TET3: variants seen among roughly 807,000 people sequenced by gnomAD.
TET3 encodes the protein methylcytosine dioxygenase TET3.
In TET3, 19 loss-of-function variants were observed where a neutral mutation model predicts 141.4. The observed-to-expected ratio is 0.13, with a 90% confidence interval of 0.09 to 0.20. The LOEUF is 0.20. Among genes scored for constraint, TET3 ranks in the 10% least tolerant of loss-of-function variants. TET3 has a pLI of 1.00. For synonymous variants in TET3, 1,043 were observed against 980.9 expected, an observed-to-expected ratio of 1.06 and a Z score of -1.18; for missense variants, 1,874 against 2,356.9, an observed-to-expected ratio of 0.80 and a Z score of 4.24.
intron 4 of TET3, among the ~76,000 whole-genome samples, chr2:74,062,176 C>G (rs1056936929): frequency 6.6e-6 from 1 of 152,190 alleles, no homozygotes; most frequent in Non-Finnish European, 1.5e-5. Context: ...CCCGGCACCT[C>G]GGGAGGCCGA....
chr2:74,047,312 G>T lies in TET3; in HGVS notation c.1395G>T (p.Gln465His), dbSNP rs747719049. ...CCGATCCCATGGCTGAACTGGAGCA[G>T]TTGTTGGGCAGCGCCAGTGATTACA... Reference protein sequence around the residue: ...PSPDPMAELEQLLGSASDYIQ... With the variant: ...PSPDPMAELEHLLGSASDYIQ... The change falls in exon 4 of 12, where the codon CAG (glutamine) becomes CAT (histidine). Residue 465 changes from glutamine (Q) to histidine (H), a missense_variant. Physicochemically the swap from Gln to His is conservative, Grantham distance 24. Transcript: ENST00000409262. 1 of 1,613,886 alleles carries T rather than the reference G, an allele frequency of 6.2e-7. No individual in the cohort carries two copies. Among genetic ancestry groups the T allele is most frequent in the African/African-American group, 1.3e-5 (1 of 74,934 alleles).
intron 4 of TET3, among the ~76,000 whole-genome samples, chr2:74,053,810 T>C (rs926373961): frequency 5.3e-5 from 8 of 152,210 alleles, no homozygotes; most frequent in Admixed American, 5.2e-4. Flanking sequence ...CTACAGTTTT[T>C]ATTTCTATGA....
chr2:74,102,001 A>G lies in TET3; in HGVS notation c.5213A>G (p.Lys1738Arg). 2 of 1,598,544 alleles carry G rather than the reference A, an allele frequency of 1.3e-6. No individual in the cohort carries two copies. The highest frequency in any genetic ancestry group is 1.1e-5 in the South Asian group (1 of 90,186). The change falls in exon 12 of 12, where the codon AAG becomes AGG. Residue 1738 changes from lysine to arginine, a missense_variant. Transcript: ENST00000409262. ...ARLGLGQQEAKLYGKKRKWGG... is the reference protein window; with the variant it reads ...ARLGLGQQEARLYGKKRKWGG... The stretch of plus-strand genomic sequence containing the variant: ...CTGGGCCTGGGCCAGCAGGAGGCCA[A>G]GCTCTACGGGAAGAAGCGCAAGTGG...
intron 7 of TET3, 38 bp from the exon 8 acceptor site, chr2:74,089,859 A>C (rs536490453): frequency 6.2e-7 from 1 of 1,610,734 alleles, no homozygotes; most frequent in East Asian, 2.2e-5. Context: ...ACGAAGGGAT[A>C]TTGCATCTAT....
At chr2:74,099,743 C>A in intron 11 of TET3, 131 bp downstream of exon 11, 2 of 978,528 alleles carry the variant, frequency 2.0e-6, no homozygotes, top group Non-Finnish European at 3.0e-6. Context: ...AGAAGGGTAT[C>A]TGCAGCAGCC....
chr2:74,004,714 G>C (rs999051796), intron 3 of TET3, among the ~76,000 whole-genome samples: 9 of 152,272 alleles, frequency 5.9e-5, no homozygotes, highest in South Asian at 2.1e-4. Context: ...GATACTGTGG[G>C]TGGGGAGGAG....
intron 3 of TET3, among the ~76,000 whole-genome samples, chr2:74,035,743 G>C (rs1402362258): frequency 6.9e-6 from 1 of 143,968 alleles, no homozygotes; most frequent in Non-Finnish European, 1.5e-5. Context: ...AGTATGTGGT[G>C]GCTCCTGCCT....
intron 4 of TET3, among the ~76,000 whole-genome samples, chr2:74,054,091 G>A (rs573729343): frequency 4.6e-5 from 7 of 152,222 alleles, no homozygotes; most frequent in African/African-American, 9.6e-5. Context: ...ATGAAGATGC[G>A]GAAGATGAGA....
the TET3 span, among the ~76,000 whole-genome samples, chr2:74,113,504 T>C: frequency 2.6e-5 from 4 of 152,254 alleles, no homozygotes; most frequent in Admixed American, 6.5e-5. Flanking sequence ...GGAAGTCAAA[T>C]TGTCCCTGTT....
At chr2:74,070,990 A>T (rs973991660) in intron 4 of TET3, among the ~76,000 whole-genome samples, 4 of 151,930 alleles carry the variant, frequency 2.6e-5, no homozygotes, top group Non-Finnish European at 5.9e-5. Context: ...AAAAAATCCC[A>T]TAGTCTGGGT....
chr2:74,034,712 T>G (rs1219419627), intron 3 of TET3, among the ~76,000 whole-genome samples: 1 of 152,148 alleles, frequency 6.6e-6, no homozygotes, highest in East Asian at 1.9e-4. Context: ...TTCCATGATG[T>G]GATTTTTATG....
intron 3 of TET3, among the ~76,000 whole-genome samples, chr2:74,003,687 G>T (rs1684997950): frequency 6.6e-6 from 1 of 151,474 alleles, no homozygotes; most frequent in African/African-American, 2.4e-5. Context: ...TGGGGGTGAG[G>T]ATATTTTGGG....
upstream of TET3, among the ~76,000 whole-genome samples, chr2:73,984,851 C>T (rs1439755429): frequency 6.8e-6 from 1 of 147,374 alleles, no homozygotes; most frequent in Non-Finnish European, 1.5e-5. The surrounding 1 kb of genome is among the most constrained non-coding windows in gnomAD (Gnocchi z 5.6). Context: ...CGCACGTGTG[C>T]GCCCTCCCGG....
chr2:73,986,766 G>T, intron 2 of TET3, 60 bp downstream of exon 2: 1 of 1,223,640 alleles, frequency 8.2e-7, no homozygotes, highest in Non-Finnish European at 1.0e-6. Flanking sequence ...GATCACGGGG[G>T]TCTTGTTCAA....
Position 74,046,492 on chromosome 2 carries a change from C to T in TET3, c.575C>T (p.Ala192Val). 1 of 1,613,830 alleles carries T rather than the reference C, an allele frequency of 6.2e-7. No individual in the cohort carries two copies. Among genetic ancestry groups the T allele is most frequent in the Non-Finnish European group, 8.5e-7 (1 of 1,179,768 alleles). The change falls in exon 4 of 12, where the codon GCT becomes GTT. Residue 192 changes from alanine (A) to valine (V), a missense_variant. Physicochemically the swap from Ala to Val is moderately conservative, Grantham distance 64. This residue lies in a region of TET3 where 366 missense variants were observed against 487.0 expected (regional missense o/e 0.75). Transcript: ENST00000409262. The surrounding 1 kb of genome is among the most constrained non-coding windows in gnomAD (Gnocchi z 4.3). ...GCTGCCCCAGGCCCAGCTCATACTG[C>T]TCGCCTGGAAGATGCCCACGATCTG... Reference protein sequence around the residue: ...WEAAPGPAHTARLEDAHDLVA... With the variant: ...WEAAPGPAHTVRLEDAHDLVA...
intron 8 of TET3, 68 bp downstream of exon 8, chr2:74,090,115 G>C (rs1690394401): frequency 6.3e-7 from 1 of 1,590,634 alleles, no homozygotes; most frequent in African/African-American, 1.3e-5. Context: ...TGGTCCAGCG[G>C]GAGGTAGTAC....
intron 6 of TET3, among the ~76,000 whole-genome samples, chr2:74,082,122 T>TAGGTAGAG (rs1689870851): frequency 6.6e-6 from 1 of 152,122 alleles, no homozygotes; most frequent in South Asian, 2.1e-4. Flanking sequence ...TCTTGGAGCA[T>TAGGTAGAG]AGGTAGAGTT....
chr2:74,065,554 T>G (rs1416559857), intron 4 of TET3, among the ~76,000 whole-genome samples: 4 of 143,514 alleles, frequency 2.8e-5, no homozygotes, highest in Non-Finnish European at 4.5e-5. Context: ...TTCTTTTTTT[T>G]GTTTTTTTTT....
the TET3 span, among the ~76,000 whole-genome samples, chr2:74,132,707 A>T: frequency 6.6e-6 from 1 of 152,108 alleles, no homozygotes. Flanking sequence ...TAAAATATAT[A>T]AATTAAGAGG....
Sources: gnomAD v4.1 joint callset for allele counts (sites outside exome capture counted in the v4.1 genomes callset) on GRCh38, gnomAD v4.1.1 for gene constraint, gnomAD v4.1.1 regional missense constraint, Gnocchi (gnomAD v3.1) non-coding constraint, MANE v1.5 for transcripts, NCBI Gene and HGNC (gene_info 2026-07-23, HGNC 2026-07-21) for gene names.